AGBL1: variants seen among roughly 807,000 people sequenced by gnomAD.
AGBL1 encodes cytosolic carboxypeptidase 4.
Under a neutral mutation model 118.9 loss-of-function variants are expected in AGBL1, and 130 were observed. The ratio of observed to expected loss-of-function variants is 1.09; its 90% CI spans 0.95 to 1.26. AGBL1 has a LOEUF of 1.26. Ranked by LOEUF, AGBL1 falls within the 50% of genes most tolerant of loss-of-function variation. AGBL1 has a pLI of 0.00. For missense variants in AGBL1, 1,584 were observed against 1,298.1 expected (o/e 1.22, Z -3.38); for synonymous variants, 555 against 478.9 (o/e 1.16, Z -2.08).
chr15:87,013,464 A>G (rs996505308), intron 24 of AGBL1, among the ~76,000 whole-genome samples: 2 of 152,156 alleles, frequency 1.3e-5, no homozygotes, highest in African/African-American at 4.8e-5. Flanking sequence ...AAACATTCTT[A>G]ACAATGTTTA....
At chr15:86,652,006 A>C (rs930804889) in intron 21 of AGBL1, among the ~76,000 whole-genome samples, 1 of 152,134 alleles carries the variant, frequency 6.6e-6, no homozygotes, top group African/African-American at 2.4e-5. Context: ...ACTGGACTCT[A>C]CTGGATGCTC....
chr15:86,231,031 C>T lies in AGBL1; in HGVS notation c.526+6080C>T, dbSNP rs78290021. ...TGATCCACCTAGATCTCTGAGACTT[C>T]GAATGTTTCATGTCCAGCCCTTCTT... is the stretch of plus-strand genomic sequence containing the variant. On this transcript the variant is annotated intron_variant, in intron 6 of 22. Coordinates refer to ENST00000614907, the MANE Select transcript of AGBL1 (RefSeq NM_001386094.1). Among the ~76,000 whole-genome samples, 692 of 152,280 alleles carry T rather than the reference C, an allele frequency of 4.5e-3. 2 individuals are homozygous for T. The highest frequency in any genetic ancestry group is 7.4e-3 in the Non-Finnish European group (503 of 68,032).
chr15:86,404,843 A>G (rs2081500435), intron 18 of AGBL1, among the ~76,000 whole-genome samples: 1 of 152,214 alleles, frequency 6.6e-6, no homozygotes, highest in Admixed American at 6.5e-5. Context: ...CTTTGTGGAC[A>G]GGAAGAAGTG....
chr15:86,509,852 G>T lies in AGBL1; in HGVS notation c.2556-12958G>T, dbSNP rs569604889. On this transcript the variant is annotated intron_variant, in intron 18 of 22. Transcript: ENST00000614907. ...ATTTTCTGCTTTAAAAACAACAACA[G>T]CAAAACAAACAAAACAACATCTCTG... Among the ~76,000 whole-genome samples the T allele has an allele frequency of 5.9e-5, 9 of 151,292 alleles. No homozygotes were observed. In the South Asian group the frequency reaches 1.3e-3, roughly 21 times the overall value.
chr15:86,376,067 G>A (rs1456884967), intron 17 of AGBL1, among the ~76,000 whole-genome samples: 2 of 152,216 alleles, frequency 1.3e-5, no homozygotes, highest in Admixed American at 1.3e-4. Context: ...CATATGGAGA[G>A]CAGAATTATG....
At chr15:86,137,723 T>G (rs534581587) in intron 1 of AGBL1, among the ~76,000 whole-genome samples, 12 of 152,200 alleles carry the variant, frequency 7.9e-5, no homozygotes, top group Middle Eastern at 3.4e-3. Flanking sequence ...AGAAAAAGCT[T>G]AGAGGAGATG....
At chr15:86,146,491 T>C (rs1053757776) in intron 3 of AGBL1, among the ~76,000 whole-genome samples, 10 of 152,226 alleles carry the variant, frequency 6.6e-5, no homozygotes, top group Non-Finnish European at 1.5e-5. Context: ...GAGGGATGAC[T>C]CTACTTAATT....
intron 21 of AGBL1, among the ~76,000 whole-genome samples, chr15:86,583,357 C>G (rs942915973): frequency 1.3e-5 from 2 of 152,076 alleles, no homozygotes; most frequent in African/African-American, 4.8e-5. Context: ...ACCCCTCTCT[C>G]CAGTGTCTAT....
intron 21 of AGBL1, among the ~76,000 whole-genome samples, chr15:86,623,698 T>A (rs2084845221): frequency 6.6e-6 from 1 of 152,222 alleles, no homozygotes; most frequent in Non-Finnish European, 1.5e-5. Context: ...CCAGCACAAA[T>A]GACATGATAG....
intron 22 of AGBL1, among the ~76,000 whole-genome samples, chr15:86,812,770 C>A (rs2078808117): frequency 6.6e-6 from 1 of 152,148 alleles, no homozygotes; most frequent in African/African-American, 2.4e-5. Flanking sequence ...ACAATCACCA[C>A]CCATGTTATA....
intron 22 of AGBL1, among the ~76,000 whole-genome samples, chr15:86,889,381 T>C (rs1276061780): frequency 3.3e-5 from 5 of 151,714 alleles, no homozygotes; most frequent in Non-Finnish European, 2.9e-5. Context: ...TTGTGTTTTA[T>C]TTTTCATTGA....
intron 22 of AGBL1, among the ~76,000 whole-genome samples, chr15:86,701,283 G>C (rs898432711): frequency 2.0e-5 from 3 of 152,076 alleles, no homozygotes; most frequent in Non-Finnish European, 2.9e-5. Context: ...TTAGAGAGTG[G>C]TGTGTGTTGG....
intron 23 of AGBL1, among the ~76,000 whole-genome samples, chr15:86,939,285 A>C (rs987334501): frequency 2.6e-5 from 4 of 152,252 alleles, no homozygotes; most frequent in Non-Finnish European, 5.9e-5. Context: ...AGCAGGCAGA[A>C]GAAGATAGAA....
chr15:86,207,673 A>G (rs1379964631), intron 5 of AGBL1, among the ~76,000 whole-genome samples: 1 of 152,132 alleles, frequency 6.6e-6, no homozygotes, highest in East Asian at 1.9e-4. Flanking sequence ...GTTTCCTGAG[A>G]CTTTGCTGAA....
chr15:86,435,442 C>T (rs1023188006), intron 18 of AGBL1, among the ~76,000 whole-genome samples: 4 of 152,152 alleles, frequency 2.6e-5, no homozygotes, highest in African/African-American at 9.7e-5. Flanking sequence ...TTCAATCAGA[C>T]TTTTGGTAAA....
At position 86,912,148 on chromosome 15, in the gene AGBL1, CAAA is replaced by C. The variant is rs1206302875; in HGVS notation, c.*4855_*4857del. ...AGTTTGTGTTATAGACAGGGAAACA[CAAA>C]GAAGAGTTTGTGTTGTAGTTTCACT... On this transcript the variant is annotated 3_prime_UTR_variant, in exon 23 of 23. Transcript: ENST00000614907. 1 of 152,136 alleles carries C rather than the reference CAAA, an allele frequency of 6.6e-6. No individual in the cohort carries two copies. Among genetic ancestry groups the C allele is most frequent in the Non-Finnish European group, 1.5e-5 (1 of 68,026 alleles). 9.4% of individuals were successfully genotyped at this position (152,136 alleles called of 1,614,324 possible).
At chr15:86,246,713 A>G (rs1051626234) in intron 6 of AGBL1, among the ~76,000 whole-genome samples, 4 of 152,168 alleles carry the variant, frequency 2.6e-5, no homozygotes, top group African/African-American at 9.7e-5. Flanking sequence ...TAAAAAATGG[A>G]TGTGGAGGTT....
chr15:86,548,518 A>C (rs2083617757), intron 20 of AGBL1, among the ~76,000 whole-genome samples: 1 of 152,160 alleles, frequency 6.6e-6, no homozygotes, highest in Admixed American at 6.6e-5. Flanking sequence ...AGAAGCATTT[A>C]TTCTTGAAAA....
chr15:87,029,798 G>A (rs1018400838), downstream of AGBL1, among the ~76,000 whole-genome samples: 1 of 151,586 alleles, frequency 6.6e-6, no homozygotes, highest in South Asian at 2.1e-4. Flanking sequence ...CATAGAATAA[G>A]GTGCACATAC....
Sources: allele counts gnomAD v4.1 joint callset (sites outside exome capture counted in the v4.1 genomes callset), GRCh38; gene constraint gnomAD v4.1.1; transcripts MANE v1.5; gene names NCBI Gene and HGNC (gene_info 2026-07-23, HGNC 2026-07-21).